The following AEBP2 variants were observed in gnomAD, a reference collection of about 807,000 sequenced individuals.
AEBP2 encodes zinc finger protein AEBP2.
In AEBP2, 10 loss-of-function variants were observed where a neutral mutation model predicts 50.8. The ratio of observed to expected loss-of-function variants is 0.20; its 90% CI spans 0.12 to 0.33. The LOEUF (loss-of-function observed/expected upper bound fraction) is 0.33, where lower values mean the gene tolerates loss of function less well. Among genes scored for constraint, AEBP2 ranks in the 10% least tolerant of loss-of-function variants. AEBP2 has a pLI of 1.00. For missense variants in AEBP2, 570 were observed against 688.0 expected (o/e 0.83, Z 1.92); for synonymous variants, 296 against 261.3 (o/e 1.13, Z -1.28).
chr12:19,441,853 G>A (rs755354114), intron 1 of AEBP2, among the ~76,000 whole-genome samples: 2 of 152,116 alleles, frequency 1.3e-5, no homozygotes, highest in Non-Finnish European at 2.9e-5. Flanking sequence ...GTTGACATTA[G>A]TTTATAAAAT....
rs71067027 is a variant in AEBP2 at position 19,481,092 on chromosome 12, C to CTTTTTTTTTTTTTT, written c.987+7750_987+7763dup. ...TGTTATTGAAACTTTGCAGTGCATC[C>CTTTTTTTTTTTTTT]TTTTTTTTTTTTTTTTTTTTTTTTT... On this transcript the variant is annotated intron_variant, in intron 3 of 7. Coordinates refer to ENST00000266508, the MANE Select transcript of AEBP2 (RefSeq NM_153207.5). Among the ~76,000 whole-genome samples the CTTTTTTTTTTTTTT allele has an allele frequency of 3.8e-4, 28 of 74,054 alleles. 7 individuals carry two copies. The highest frequency in any genetic ancestry group is 9.1e-4 in the African/African-American group (16 of 17,582). The allele number at this position is 74,054 out of a possible 152,430, so 48.6% of individuals were successfully genotyped here.
At chr12:19,509,000 CT>C (rs1949194351) in intron 5 of AEBP2, 2 of 542,010 alleles carry the variant, frequency 3.7e-6, no homozygotes, top group Non-Finnish European at 7.1e-6. Flanking sequence ...AGTTGTTTAC[CT>C]TTTTACTAAG....
At chr12:19,487,049 A>G (rs1803552221) in intron 3 of AEBP2, among the ~76,000 whole-genome samples, 1 of 152,116 alleles carries the variant, frequency 6.6e-6, no homozygotes, top group Non-Finnish European at 1.5e-5. Context: ...ATTTTGTGCT[A>G]TGGGTATCTG....
At chr12:19,500,293 A>G (rs1949048641) in intron 5 of AEBP2, 72 bp downstream of exon 5, 1 of 1,288,310 alleles carries the variant, frequency 7.8e-7, no homozygotes, top group Non-Finnish European at 1.0e-6. Flanking sequence ...TCATTTCTAA[A>G]TCTCTCAAAA....
intron 2 of AEBP2, among the ~76,000 whole-genome samples, chr12:19,469,725 G>A (rs1055802601): frequency 3.3e-5 from 5 of 152,136 alleles, no homozygotes; most frequent in Non-Finnish European, 7.3e-5. Context: ...GGGATTCTAC[G>A]CACAAGTCAC....
intron 7 of AEBP2, among the ~76,000 whole-genome samples, chr12:19,515,638 A>C (rs1303834957): frequency 6.6e-6 from 1 of 152,216 alleles, no homozygotes; most frequent in African/African-American, 2.4e-5. Flanking sequence ...TAAAGATAGC[A>C]AATTTTATAT....
At chr12:19,468,005 G>A (rs1948508057) in intron 2 of AEBP2, among the ~76,000 whole-genome samples, 1 of 151,680 alleles carries the variant, frequency 6.6e-6, no homozygotes, top group South Asian at 2.1e-4. Flanking sequence ...CTATAATTGT[G>A]CCACTGCCTT....
At chr12:19,485,378 G>A (rs1948791440) in intron 3 of AEBP2, among the ~76,000 whole-genome samples, 1 of 152,012 alleles carries the variant, frequency 6.6e-6, no homozygotes, top group Non-Finnish European at 1.5e-5. Context: ...GAAGTACCTG[G>A]CACTATGCTG....
intron 1 of AEBP2, chr12:19,440,803 C>A: frequency 6.6e-7 from 1 of 1,518,026 alleles, no homozygotes; most frequent in South Asian, 1.2e-5. Context: ...TGGCTGGTCT[C>A]GCCTGGATTT....
Position 19,439,572 on chromosome 12 carries a change from G to T in AEBP2, c.-128G>T, listed in dbSNP as rs960458032. 5.6e-6 allele frequency: 7 copies of T among 1,247,158 alleles called. No homozygotes were observed. The highest frequency in any genetic ancestry group is 7.5e-6 in the Non-Finnish European group (7 of 935,652). The allele number at this position is 1,247,158 out of a possible 1,614,324, so 77.3% of individuals were successfully genotyped here. On this transcript the variant is annotated 5_prime_UTR_variant, in exon 1 of 8. Transcript: ENST00000266508. ...GCGTGTGCAGGCTGACGCAGCTCGC[G>T]GGCCCTCCTCCTGCTCTGCAGCGGC...
rs187528519 is a variant in AEBP2, at chr12:19,479,530, T to C, written c.987+6175T>C. Among the ~76,000 whole-genome samples, 113 of 152,270 alleles carry C rather than the reference T, an allele frequency of 7.4e-4. 2 individuals are homozygous for C. Among genetic ancestry groups the C allele is most frequent in the East Asian group, 7.7e-4 (4 of 5,178 alleles). The stretch of plus-strand genomic sequence containing the variant: ...TCTGAAGTCAGGATACAATTATTAT[T>C]ACATAATTATGTTGCTAGGATTATT... On this transcript the variant is annotated intron_variant, in intron 3 of 7. Coordinates refer to ENST00000266508, the MANE Select transcript of AEBP2 (RefSeq NM_153207.5).
intron 5 of AEBP2, among the ~76,000 whole-genome samples, chr12:19,504,415 T>A (rs1023948667): frequency 6.6e-6 from 1 of 151,378 alleles, no homozygotes; most frequent in African/African-American, 2.4e-5. Context: ...TTTTTTGTAT[T>A]TTTTTTAGTA....
chr12:19,440,600 T>C (rs1947938125), intron 1 of AEBP2: 1 of 1,466,776 alleles, frequency 6.8e-7, no homozygotes, highest in Non-Finnish European at 9.1e-7. Flanking sequence ...TTCCCCGCCC[T>C]CTTTCCCCTC....
intron 1 of AEBP2, among the ~76,000 whole-genome samples, chr12:19,410,270 G>A (rs1021279049): frequency 1.3e-5 from 2 of 152,158 alleles, no homozygotes; most frequent in Non-Finnish European, 2.9e-5. Context: ...ACCAGCACGT[G>A]CTCCCACTCT....
intron 4 of AEBP2, 124 bp downstream of exon 4, chr12:19,494,110 C>T: frequency 9.3e-7 from 1 of 1,073,824 alleles, no homozygotes; most frequent in Admixed American, 2.8e-5. Context: ...GGTAGGATGC[C>T]TGTCTGTCAG....
At chr12:19,457,574 G>A (rs1483967648) in intron 1 of AEBP2, 175 of 1,475,904 alleles carry the variant, frequency 1.2e-4, no homozygotes, top group Non-Finnish European at 1.4e-4. Context: ...AGTTCAGATG[G>A]CCAGTAGTGG....
rs1033136771 is a variant in AEBP2 at position 19,521,242 on chromosome 12, T to A, written c.*3125T>A. The A allele has an allele frequency of 6.6e-6, 1 of 152,202 alleles. No homozygotes were observed. Among genetic ancestry groups the A allele is most frequent in the East Asian group, 1.9e-4 (1 of 5,200 alleles). 9.4% of individuals were successfully genotyped at this position (152,202 alleles called of 1,614,324 possible). ...TTGCATTTTAATATGACAATGTTGA[T>A]CTTGGTAATAAGCCAGTACATTAAA... On this transcript the variant is annotated 3_prime_UTR_variant, in exon 8 of 8. Coordinates refer to ENST00000266508, the MANE Select transcript of AEBP2 (RefSeq NM_153207.5).
At chr12:19,506,302 G>A (rs1398137386) in intron 5 of AEBP2, among the ~76,000 whole-genome samples, 1 of 151,948 alleles carries the variant, frequency 6.6e-6, no homozygotes, top group Non-Finnish European at 1.5e-5. Context: ...ATTTCGCCAT[G>A]TTGGCCAGGC....
At chr12:19,424,381 T>C (rs2095747413) in intron 1 of AEBP2, among the ~76,000 whole-genome samples, 2 of 151,900 alleles carry the variant, frequency 1.3e-5, no homozygotes, top group Non-Finnish European at 2.9e-5. Flanking sequence ...GTTTGTTAAG[T>C]AAAGGCTAAG....
Sources: gnomAD v4.1 joint callset for allele counts (sites outside exome capture counted in the v4.1 genomes callset) on GRCh38, gnomAD v4.1.1 for gene constraint, MANE v1.5 for transcripts, NCBI Gene and HGNC (gene_info 2026-07-23, HGNC 2026-07-21) for gene names.